The following EPB41L2 variants were observed in gnomAD, a reference collection of about 807,000 sequenced individuals.
EPB41L2 encodes the protein band 4.1-like protein 2.
A neutral mutation model predicts 113.0 loss-of-function variants in EPB41L2; 43 were observed. The observed-to-expected ratio is 0.38, with a 90% confidence interval of 0.30 to 0.49. EPB41L2 has a LOEUF of 0.49. Ranked by LOEUF, EPB41L2 falls within the 20% of genes least tolerant of loss-of-function variation. The pLI, the probability that EPB41L2 is intolerant of heterozygous loss-of-function variation, is 0.95. For missense variants in EPB41L2, 1,147 were observed against 1,223.4 expected (o/e 0.94, Z 0.93); for synonymous variants, 442 against 436.7 (o/e 1.01, Z -0.15).
chr6:130,853,782 A>C (rs1422354601), intron 19 of EPB41L2, among the ~76,000 whole-genome samples: 4 of 152,218 alleles, frequency 2.6e-5, no homozygotes, highest in African/African-American at 9.6e-5. Context: ...ATGTGCCTGA[A>C]AAAGGGAGAC....
intron 1 of EPB41L2, among the ~76,000 whole-genome samples, chr6:130,985,355 A>G (rs1471018655): frequency 1.3e-5 from 2 of 152,224 alleles, no homozygotes; most frequent in South Asian, 4.1e-4. Flanking sequence ...CTCCACTGAA[A>G]GCTGTTTTCT....
intron 1 of EPB41L2, among the ~76,000 whole-genome samples, chr6:130,977,259 A>T (rs12530288): frequency 0.19 from 28,465 of 152,172 alleles, 3,336 homozygotes; most frequent in East Asian, 0.47. Context: ...TTTGTAAAGA[A>T]TCAAAGTAGT....
chr6:130,968,181 C>T (rs546855345), intron 1 of EPB41L2, among the ~76,000 whole-genome samples: 23 of 152,256 alleles, frequency 1.5e-4, no homozygotes, highest in African/African-American at 5.5e-4. Flanking sequence ...AGAGGCATTT[C>T]CCAAATAAGC....
chr6:131,048,216 T>A (rs1188706851), intron 1 of EPB41L2, among the ~76,000 whole-genome samples: 2 of 151,572 alleles, frequency 1.3e-5, no homozygotes, highest in Admixed American at 1.3e-4. Flanking sequence ...TAAGCAGGAT[T>A]CATAGGAAAA....
At chr6:131,038,301 T>A (rs1793761428) in intron 1 of EPB41L2, among the ~76,000 whole-genome samples, 1 of 152,174 alleles carries the variant, frequency 6.6e-6, no homozygotes, top group Admixed American at 6.5e-5. Flanking sequence ...ACCAAGCCTG[T>A]AGAGTCTTAT....
chr6:130,991,820 T>A (rs148741880), intron 1 of EPB41L2, among the ~76,000 whole-genome samples: 1 of 152,206 alleles, frequency 6.6e-6, no homozygotes, highest in Non-Finnish European at 1.5e-5. Context: ...AGATTTGGTC[T>A]TTGTAGAAGA....
chr6:130,865,743 C>G, intron 16 of EPB41L2, 109 bp from the exon 17 acceptor site: 7 of 1,157,762 alleles, frequency 6.0e-6, no homozygotes, highest in Non-Finnish European at 8.7e-6. Context: ...ATGTGGTTTG[C>G]GTGTTTGCAG....
chr6:130,877,300 T>C (rs1473429426), intron 14 of EPB41L2, among the ~76,000 whole-genome samples: 1 of 152,238 alleles, frequency 6.6e-6, no homozygotes, highest in Non-Finnish European at 1.5e-5. Flanking sequence ...AACATCTTTA[T>C]ACCATTTTTT....
chr6:130,918,088 C>T (rs935179818), intron 4 of EPB41L2, among the ~76,000 whole-genome samples: 2 of 152,144 alleles, frequency 1.3e-5, no homozygotes, highest in African/African-American at 4.8e-5. Flanking sequence ...AAGTTACAGG[C>T]ACTGTATCAC....
intron 1 of EPB41L2, among the ~76,000 whole-genome samples, chr6:131,059,272 G>C (rs1171601580): frequency 6.6e-6 from 1 of 151,990 alleles, no homozygotes; most frequent in African/African-American, 2.4e-5. Context: ...CTGCCACCAC[G>C]CCTGGCTAAT....
intron 1 of EPB41L2, among the ~76,000 whole-genome samples, chr6:130,975,015 A>G (rs1453834675): frequency 6.6e-6 from 1 of 152,058 alleles, no homozygotes; most frequent in African/African-American, 2.4e-5. Flanking sequence ...CAGATAAGTC[A>G]AGTGAACCCA....
chr6:131,034,724 G>C (rs6908917), intron 1 of EPB41L2, among the ~76,000 whole-genome samples: 113,949 of 152,086 alleles, frequency 0.75, 42,916 homozygotes, highest in African/African-American at 0.78. Flanking sequence ...AAAGGTTATT[G>C]AAATGTCCTG....
At chr6:131,053,175 C>T (rs1294042648) in intron 1 of EPB41L2, among the ~76,000 whole-genome samples, 2 of 151,864 alleles carry the variant, frequency 1.3e-5, no homozygotes, top group East Asian at 1.9e-4. Context: ...GGATTACAGG[C>T]ATGAATCACC....
intron 8 of EPB41L2, 54 bp from the exon 9 acceptor site, chr6:130,895,173 T>C: frequency 6.5e-7 from 1 of 1,531,686 alleles, no homozygotes; most frequent in Non-Finnish European, 8.8e-7. Context: ...GTTACACAAA[T>C]CAAGAAGCTA....
chr6:130,906,963 G>A (rs1437880883), intron 5 of EPB41L2, among the ~76,000 whole-genome samples: 1 of 152,010 alleles, frequency 6.6e-6, no homozygotes, highest in African/African-American at 2.4e-5. Context: ...TAAAAGTTCT[G>A]AAATAACTTT....
chr6:130,945,824 T>A, intron 3 of EPB41L2, among the ~76,000 whole-genome samples: 1 of 152,270 alleles, frequency 6.6e-6, no homozygotes, highest in East Asian at 1.9e-4. Context: ...TATTGTTTTT[T>A]TCCCCCGCTT....
At chr6:131,024,627 G>A (rs1212451416) in intron 1 of EPB41L2, among the ~76,000 whole-genome samples, 1 of 152,064 alleles carries the variant, frequency 6.6e-6, no homozygotes, top group African/African-American at 2.4e-5. Flanking sequence ...AGGACCGACC[G>A]TGTCTTACTC....
chr6:130,984,875 A>T (rs78044962), intron 1 of EPB41L2, among the ~76,000 whole-genome samples: 6,842 of 152,316 alleles, frequency 0.045, 233 homozygotes, highest in East Asian at 0.12. Flanking sequence ...GGTAAATAGA[A>T]GAAACTTGAA....
At chr6:130,996,718 T>C (rs1783211491) in intron 1 of EPB41L2, among the ~76,000 whole-genome samples, 1 of 152,226 alleles carries the variant, frequency 6.6e-6, no homozygotes, top group Admixed American at 6.5e-5. Flanking sequence ...AAAAGGATAA[T>C]GCTGTTGCTT....
Sources: gnomAD v4.1 joint callset for allele counts (sites outside exome capture counted in the v4.1 genomes callset) on GRCh38, gnomAD v4.1.1 for gene constraint, MANE v1.5 for transcripts, NCBI Gene and HGNC (gene_info 2026-07-23, HGNC 2026-07-21) for gene names.